BBS9: variants seen among roughly 807,000 people sequenced by gnomAD.
BBS9 encodes protein PTHB1.
In BBS9, 89 loss-of-function variants were observed where a neutral mutation model predicts 117.7. That is an observed-to-expected ratio of 0.76 (90% confidence interval 0.64 to 0.90). The LOEUF is 0.90. BBS9 is among the 40% of genes least tolerant of loss of function. The pLI, the probability that BBS9 is intolerant of heterozygous loss-of-function variation, is 0.00. For synonymous variants in BBS9, 379 were observed against 370.9 expected (o/e 1.02, Z -0.25); for missense variants, 982 against 1,042.2 (o/e 0.94, Z 0.80).
intron 10 of BBS9, among the ~76,000 whole-genome samples, chr7:33,339,014 G>A (rs1485871616): frequency 1.3e-5 from 2 of 152,162 alleles, no homozygotes; most frequent in Admixed American, 6.5e-5. Flanking sequence ...ACACTGAGTA[G>A]TAGAATCATT....
intron 19 of BBS9, among the ~76,000 whole-genome samples, chr7:33,407,157 T>G (rs184706277): frequency 1.1e-3 from 165 of 152,326 alleles, no homozygotes; most frequent in African/African-American, 3.9e-3. Context: ...TTCTCTAAAC[T>G]TCCCTTCTCG....
intron 9 of BBS9, among the ~76,000 whole-genome samples, chr7:33,330,325 T>C (rs1057291421): frequency 1.2e-4 from 19 of 152,182 alleles, no homozygotes; most frequent in African/African-American, 4.6e-4. Flanking sequence ...TATAAAATTG[T>C]TTTTATAGGT....
At chr7:33,384,751 C>A (rs1825722487) in intron 18 of BBS9, among the ~76,000 whole-genome samples, 1 of 149,660 alleles carries the variant, frequency 6.7e-6, no homozygotes, top group South Asian at 2.1e-4. Context: ...AATTACCAGT[C>A]ATATAATTTT....
At chr7:33,606,284 T>A (rs1864560034), downstream of BBS9, among the ~76,000 whole-genome samples, 1 of 152,186 alleles carries the variant, frequency 6.6e-6, no homozygotes, top group African/African-American at 2.4e-5. Flanking sequence ...TTAAGTCCTT[T>A]ATGTCAAAAA....
chr7:33,233,735 G>A (rs1420158), intron 5 of BBS9, among the ~76,000 whole-genome samples: 124,841 of 152,118 alleles, frequency 0.82, 51,259 homozygotes, highest in Admixed American at 0.86. Context: ...GATGTCTTTT[G>A]ATAAAGGCTT....
At chr7:33,240,616 A>T (rs894004084) in intron 5 of BBS9, among the ~76,000 whole-genome samples, 4 of 152,194 alleles carry the variant, frequency 2.6e-5, no homozygotes, top group Non-Finnish European at 5.9e-5. Flanking sequence ...GAACTTTAAA[A>T]GATAGTTTAT....
In BBS9 at chr7:33,489,331, CT is replaced by C. The variant is rs35199510; in HGVS notation, c.2116-16110del. ...TTTAAACAAAAATAACCACTTATGG[CT>C]TTTTTTTTTTTTTTTTTTTTTGCTG... On this transcript the variant is annotated intron_variant, in intron 19 of 22. Coordinates refer to ENST00000242067, the MANE Select transcript of BBS9 (RefSeq NM_198428.3). Among the ~76,000 whole-genome samples the C allele has an allele frequency of 6.6e-3, 567 of 86,248 alleles. 2 individuals carry two copies. The highest frequency in any genetic ancestry group is 0.02 in the South Asian group (39 of 1,906). The allele number at this position is 86,248 out of a possible 152,430, so 56.6% of individuals were successfully genotyped here. A position where few individuals can be genotyped will look rare whatever the true frequency, so the allele number is the denominator to read the frequency against.
intron 19 of BBS9, chr7:33,390,232 T>C (rs1253961014): frequency 2.0e-6 from 2 of 985,054 alleles, no homozygotes; most frequent in African/African-American, 3.5e-5. Context: ...TGTATCTTTT[T>C]GTAGACACAA....
chr7:33,161,444 A>C lies in BBS9; in HGVS notation c.328+5742A>C, dbSNP rs889953886. ...CTTCATCCATGTCCCTGCAAAGGACATGAACTCATCCTTTTTTATGGCTGC... is the reference window on the plus strand; with the variant it reads ...CTTCATCCATGTCCCTGCAAAGGACCTGAACTCATCCTTTTTTATGGCTGC... On this transcript the variant is annotated intron_variant, in intron 4 of 22. Coordinates refer to ENST00000242067, the MANE Select transcript of BBS9 (RefSeq NM_198428.3). Among the ~76,000 whole-genome samples the C allele has an allele frequency of 2.0e-5, 3 of 152,334 alleles. No individual in the cohort carries two copies. In the East Asian group the frequency reaches 5.8e-4, roughly 29 times the overall value.
At chr7:33,588,746 A>G (rs751291760) in intron 21 of BBS9, among the ~76,000 whole-genome samples, 9 of 152,160 alleles carry the variant, frequency 5.9e-5, no homozygotes, top group Non-Finnish European at 5.9e-5. Context: ...ACAATTTTTG[A>G]AGAAAGACTT....
At chr7:33,149,680 T>G (rs1313572548) in intron 2 of BBS9, among the ~76,000 whole-genome samples, 1 of 152,242 alleles carries the variant, frequency 6.6e-6, no homozygotes, top group African/African-American at 2.4e-5. Flanking sequence ...ACTAATGGCT[T>G]TTCATTTAAT....
chr7:33,273,291 A>G, intron 8 of BBS9, 96 bp downstream of exon 8: 1 of 1,261,224 alleles, frequency 7.9e-7, no homozygotes. Context: ...GTAAACATAT[A>G]TGAAAACAGT....
intron 21 of BBS9, among the ~76,000 whole-genome samples, chr7:33,548,468 T>G (rs995363655): frequency 1.4e-4 from 21 of 150,654 alleles, no homozygotes; most frequent in African/African-American, 4.6e-4. Context: ...TCTAGCATTA[T>G]GTATATCTCC....
intron 16 of BBS9, among the ~76,000 whole-genome samples, chr7:33,358,959 A>T (rs560568987): frequency 1.1e-4 from 16 of 151,924 alleles, no homozygotes; most frequent in African/African-American, 3.9e-4. Context: ...ACTCTGAAAA[A>T]TCTCCAAGAT....
chr7:33,228,013 G>A (rs1265513908), intron 5 of BBS9, among the ~76,000 whole-genome samples: 2 of 152,096 alleles, frequency 1.3e-5, no homozygotes, highest in African/African-American at 4.8e-5. Flanking sequence ...TTACTGGATT[G>A]AATGGTAGTT....
intron 5 of BBS9, among the ~76,000 whole-genome samples, chr7:33,218,684 G>T (rs761132654): frequency 6.6e-6 from 1 of 152,228 alleles, no homozygotes. Flanking sequence ...CCAAAGGAAG[G>T]AAAGAAACCA....
chr7:33,189,883 T>TA (rs372582478), intron 5 of BBS9, among the ~76,000 whole-genome samples: 26,354 of 126,964 alleles, frequency 0.21, 3,076 homozygotes, highest in Admixed American at 0.33. Flanking sequence ...GACTCTGTCT[T>TA]AAAAAAAAAA....
At chr7:33,364,696 C>T (rs1274207483) in intron 16 of BBS9, among the ~76,000 whole-genome samples, 7 of 115,182 alleles carry the variant, frequency 6.1e-5, no homozygotes, top group African/African-American at 1.0e-4. Context: ...CCTCCCCCTC[C>T]GCCCTTTTCT....
chr7:33,332,002 C>T (rs1380814310), intron 9 of BBS9, among the ~76,000 whole-genome samples: 1 of 152,110 alleles, frequency 6.6e-6, no homozygotes, highest in African/African-American at 2.4e-5. Context: ...CAAAGCAATA[C>T]TAAGCAAAAA....
Sources: gnomAD v4.1 joint callset for allele counts (sites outside exome capture counted in the v4.1 genomes callset) on GRCh38, gnomAD v4.1.1 for gene constraint, MANE v1.5 for transcripts, NCBI Gene and HGNC (gene_info 2026-07-23, HGNC 2026-07-21) for gene names.